Variants in AGAP4 observed in about 807,000 individuals in gnomAD.
AGAP4 encodes the protein ArfGAP with GTPase domain, ankyrin repeat and PH domain 4, also known as arf-GAP with GTPase, ANK repeat and PH domain-containing protein 4.
Under a neutral mutation model 60.7 loss-of-function variants are expected in AGAP4, and 13 were observed. The ratio of observed to expected loss-of-function variants is 0.21; its 90% CI spans 0.14 to 0.34. The LOEUF (loss-of-function observed/expected upper bound fraction) is 0.34. Among genes scored for constraint, AGAP4 ranks in the 10% least tolerant of loss-of-function variants. The pLI, the probability that AGAP4 is intolerant of heterozygous loss-of-function variation, is 1.00. For missense variants in AGAP4, 169 were observed against 884.0 expected (o/e 0.19, Z 10.26); for synonymous variants, 70 against 339.0 (o/e 0.21, Z 8.72).
chr10:45,841,104 A>ATT (rs782328893), intron 4 of AGAP4, among the ~76,000 whole-genome samples: 6 of 69,916 alleles, frequency 8.6e-5, no homozygotes, highest in Middle Eastern at 0.013. Flanking sequence ...ATTTAAGGCA[A>ATT]TTTTTTTTTT....
chr10:45,852,231 A>C (rs1554900509), upstream of AGAP4, among the ~76,000 whole-genome samples: 2 of 148,984 alleles, frequency 1.3e-5, no homozygotes, highest in Non-Finnish European at 1.5e-5. Context: ...AAAAAAAAAA[A>C]AAAAAAAAAA....
Position 45,852,683 on chromosome 10 carries a change from G to C in AGAP4, n.221+972C>G, listed in dbSNP as rs1293506678. On this transcript the variant is annotated intron_variant and non_coding_transcript_variant, in intron 1 of 9. Transcript: ENST00000430779. ...TAAGTAATGTTTGAGGACAAAAATA[G>C]GTGATGTGTTGAAATGCGGGAAACC... Among the ~76,000 whole-genome samples the C allele has an allele frequency of 1.7e-3, 259 of 151,750 alleles. 6 individuals carry two copies. In the East Asian group the frequency reaches 0.043, roughly 25 times the overall value.
chr10:45,837,007 C>T (rs1230554084), intron 4 of AGAP4, among the ~76,000 whole-genome samples: 2 of 146,248 alleles, frequency 1.4e-5, no homozygotes, highest in Non-Finnish European at 3.0e-5. Flanking sequence ...GATGGGATTA[C>T]AGGTGAGCGC....
At chr10:45,840,123 T>C (rs2058893498) in intron 4 of AGAP4, among the ~76,000 whole-genome samples, 1 of 148,592 alleles carries the variant, frequency 6.7e-6, no homozygotes, top group African/African-American at 2.5e-5. Context: ...CAAGCTGTTA[T>C]AAAATTTCAG....
At chr10:45,853,721 A>T (rs1392106365) in exon 1 of AGAP4, 4 of 1,287,766 alleles carry the variant, frequency 3.1e-6, no homozygotes, top group Admixed American at 4.6e-5. Flanking sequence ...TTGGGCAGAG[A>T]TCACAGCAGC....
chr10:45,828,166 TTTGGTGTTTAC>T (rs2058675534), intron 6 of AGAP4, 86 bp from the exon 7 acceptor site: 1 of 613,460 alleles, frequency 1.6e-6, no homozygotes, highest in Non-Finnish European at 2.9e-6. Context: ...TCCTGTGTGC[TTTGGTGTTTAC>T]TTTACCAAAG....
rs2059019353 is a variant in AGAP4, at chr10:45,847,485, G to A, written c.-138C>T. ...CCTCGCCTGCCCACCTCACAGCGCG[G>A]CCCCGGGCACCAGCCCTGGCCCTGG... is the stretch of plus-strand genomic sequence containing the variant. On this transcript the variant is annotated 5_prime_UTR_variant, in exon 1 of 8. Coordinates refer to ENST00000616763, the MANE Select transcript of AGAP4 (RefSeq NM_001276343.3). 2 of 1,529,138 alleles carry A rather than the reference G, an allele frequency of 1.3e-6. No individual in the cohort carries two copies. Among genetic ancestry groups the A allele is most frequent in the Non-Finnish European group, 1.7e-6 (2 of 1,145,116 alleles). The allele number at this position is 1,529,138 out of a possible 1,614,324, so 94.7% of individuals were successfully genotyped here.
upstream of AGAP4, chr10:45,847,961 A>C: frequency 9.6e-7 from 1 of 1,038,654 alleles, no homozygotes; most frequent in Non-Finnish European, 1.2e-6. Flanking sequence ...AGTCCTAAGA[A>C]AAGCAAAGGG....
In AGAP4 at chr10:45,834,472, G is replaced by A. The variant is rs1333119795; in HGVS notation, c.397-356C>T. On this transcript the variant is annotated intron_variant, in intron 4 of 7. Coordinates refer to ENST00000616763, the MANE Select transcript of AGAP4 (RefSeq NM_001276343.3). ...GGGCGGATCACGAGGTCAAGAGATC[G>A]AGACCATCCTGGCTAACATGGTGAA... is the stretch of plus-strand genomic sequence containing the variant. Among the ~76,000 whole-genome samples the A allele has an allele frequency of 8.9e-5, 12 of 134,496 alleles. 1 individual carries two copies. Among genetic ancestry groups the A allele is most frequent in the Non-Finnish European group, 1.2e-4 (8 of 64,876 alleles). 88.2% of individuals were successfully genotyped at this position (134,496 alleles called of 152,430 possible). A position where few individuals can be genotyped will look rare whatever the true frequency, so the allele number is the denominator to read the frequency against.
chr10:45,845,172 CAATT>C (rs1214541315), intron 2 of AGAP4, among the ~76,000 whole-genome samples: 2 of 101,634 alleles, frequency 2.0e-5, no homozygotes, highest in African/African-American at 7.4e-5. Flanking sequence ...AAGGTACAAT[CAATT>C]AATTCACATA....
upstream of AGAP4, among the ~76,000 whole-genome samples, chr10:45,852,173 C>A (rs1472500264): frequency 1.4e-5 from 2 of 140,762 alleles, no homozygotes; most frequent in African/African-American, 5.5e-5. Flanking sequence ...CGGCCTCCCA[C>A]AGTCTGGGAT....
chr10:45,849,404 A>T (rs1266219999), upstream of AGAP4, among the ~76,000 whole-genome samples: 3 of 151,626 alleles, frequency 2.0e-5, no homozygotes, highest in Non-Finnish European at 4.4e-5. Context: ...GCATGGCAAA[A>T]CCATATCAGA....
At chr10:45,832,376 C>G (rs1373110457) in intron 5 of AGAP4, among the ~76,000 whole-genome samples, 4 of 149,960 alleles carry the variant, frequency 2.7e-5, no homozygotes, top group African/African-American at 9.8e-5. Flanking sequence ...AGCAGTTTCT[C>G]GTCCTAAACT....
chr10:45,834,899 G>C (rs1554897631), intron 4 of AGAP4, among the ~76,000 whole-genome samples: 1 of 145,904 alleles, frequency 6.9e-6, no homozygotes, highest in Admixed American at 6.7e-5. Context: ...TCAGCCTCCT[G>C]AGTAGCTGGG....
intron 6 of AGAP4, 107 bp from the exon 7 acceptor site, chr10:45,828,187 G>C: frequency 1.7e-6 from 1 of 601,434 alleles, no homozygotes; most frequent in Non-Finnish European, 3.0e-6. Context: ...CTTTACCAAA[G>C]CAGTTTTTAC....
Position 45,843,931 on chromosome 10 carries a change from T to A in AGAP4, c.361+395A>T, listed in dbSNP as rs1369199913. Among the ~76,000 whole-genome samples the A allele has an allele frequency of 2.7e-5, 4 of 150,172 alleles. No homozygotes were observed. In the East Asian group the frequency reaches 7.7e-4, roughly 29 times the overall value. ...GATGATAAACGACTATGTTTTTTAA[T>A]TTGTTTAAATGAAAACCAAGCTGAA... On this transcript the variant is annotated intron_variant, in intron 3 of 7. Coordinates refer to ENST00000616763, the MANE Select transcript of AGAP4 (RefSeq NM_001276343.3).
chr10:45,852,217 T>TAA (rs781889843), upstream of AGAP4, among the ~76,000 whole-genome samples: 520 of 91,698 alleles, frequency 5.7e-3, 27 homozygotes, highest in African/African-American at 0.022. Flanking sequence ...GGCCAGACTT[T>TAA]AAAAAAAAAA....
chr10:45,854,486 T>A (rs2059117509), upstream of AGAP4: 1 of 150,920 alleles, frequency 6.6e-6, no homozygotes, highest in South Asian at 2.1e-4. Context: ...TCACAAAAAT[T>A]AGCCGGGCGT....
chr10:45,848,000 T>C (rs528216633), upstream of AGAP4: 20 of 1,015,364 alleles, frequency 2.0e-5, no homozygotes, highest in African/African-American at 3.1e-4. Flanking sequence ...CATCTTCCTC[T>C]ATGAGTTCTA....
Sources: gnomAD v4.1 joint callset for allele counts (sites outside exome capture counted in the v4.1 genomes callset) on GRCh38, gnomAD v4.1.1 for gene constraint, MANE v1.5 for transcripts, NCBI Gene and HGNC (gene_info 2026-07-23, HGNC 2026-07-21) for gene names.